GTF3C1: variants seen among roughly 807,000 people sequenced by gnomAD.
The protein encoded by GTF3C1 is general transcription factor IIIC subunit 1.
In GTF3C1, 57 loss-of-function variants were observed where a neutral mutation model predicts 226.7. The observed-to-expected ratio is 0.25, with a 90% CI of 0.20 to 0.31. The LOEUF (loss-of-function observed/expected upper bound fraction) is 0.31, where lower values mean the gene tolerates loss of function less well. GTF3C1 is among the 10% of genes least tolerant of loss of function. The pLI, the probability that GTF3C1 is intolerant of heterozygous loss-of-function variation, is 1.00. For synonymous variants in GTF3C1, 1,090 were observed against 1,084.8 expected (o/e 1.00, Z -0.09); for missense variants, 2,217 against 2,776.1 (o/e 0.80, Z 4.53).
In GTF3C1 at chr16:27,462,264, C is replaced by A; in HGVS notation, c.6117+30G>T. Reference sequence around the variant, plus strand: ...CACTGAGTGCACCCAGCCGCCTCCACACCCTGCTGAACCCAGGAAGGCCCC... The same window carrying A: ...CACTGAGTGCACCCAGCCGCCTCCAAACCCTGCTGAACCCAGGAAGGCCCC... On this transcript the variant is annotated intron_variant, in intron 36 of 36. Coordinates refer to ENST00000356183, the MANE Select transcript of GTF3C1 (RefSeq NM_001520.4). This position sits in a 1 kb window ranked among gnomAD's most constrained non-coding sequence, Gnocchi z 4.5. 1 of 1,519,344 alleles carries A rather than the reference C, an allele frequency of 6.6e-7. No individual in the cohort carries two copies. Among genetic ancestry groups the A allele is most frequent in the Non-Finnish European group, 8.9e-7 (1 of 1,125,940 alleles). The allele number at this position is 1,519,344 out of a possible 1,614,324, so 94.1% of individuals were successfully genotyped here.
intron 10 of GTF3C1, among the ~76,000 whole-genome samples, chr16:27,504,064 G>C (rs926928404): frequency 4.6e-5 from 7 of 152,222 alleles, no homozygotes; most frequent in African/African-American, 1.7e-4. Context: ...GAAAAGTTTG[G>C]GGGAAAACCA....
intron 6 of GTF3C1, among the ~76,000 whole-genome samples, chr16:27,514,390 G>A (rs1481089796): frequency 6.6e-6 from 1 of 152,142 alleles, no homozygotes; most frequent in African/African-American, 2.4e-5. Flanking sequence ...GAGACTTTCG[G>A]GACTGTGGAC....
Position 27,537,878 on chromosome 16 carries a change from C to T in GTF3C1, c.658G>A (p.Gly220Arg), listed in dbSNP as rs1183412024. ...HYHRKILNKN[G>R]LITMQSHVIR... is the part of the protein sequence containing the mutation. The stretch of plus-strand genomic sequence containing the variant: ...ACATGGGACTGCATTGTAATCAGCC[C>T]GTTTTTGTTCAAAATTTTTCTGTGA... Residue 220 changes from glycine (G) to arginine (R), a missense_variant, in exon 4 of 37, where the codon GGG becomes AGG. Gly to Arg is a moderately radical substitution (Grantham distance 125, BLOSUM62 -2). This residue lies in a region of GTF3C1 where 163 missense variants were observed against 234.3 expected (regional missense o/e 0.70). Coordinates refer to ENST00000356183, the MANE Select transcript of GTF3C1 (RefSeq NM_001520.4). The T allele has an allele frequency of 1.2e-6, 2 of 1,613,762 alleles. No individual in the cohort carries two copies. Among genetic ancestry groups the T allele is most frequent in the East Asian group, 2.2e-5 (1 of 44,884 alleles).
In GTF3C1 at chr16:27,463,598, G is replaced by A. The variant is rs527273762; in HGVS notation, c.5873-6C>T. 3.8e-6 allele frequency: 6 copies of A among 1,565,394 alleles called. No homozygotes were observed. The highest frequency in any genetic ancestry group is 2.7e-5 in the African/African-American group (2 of 74,236). ...TCCGAAACTCTCTGTGAACCCTGAGGGAAGAGGAAGAGAATGTGAGAGACT... is the reference window on the plus strand; with the variant it reads ...TCCGAAACTCTCTGTGAACCCTGAGAGAAGAGGAAGAGAATGTGAGAGACT... On this transcript the variant is annotated splice_polypyrimidine_tract_variant and splice_region_variant and intron_variant, in intron 34 of 36. Coordinates refer to ENST00000356183, the MANE Select transcript of GTF3C1 (RefSeq NM_001520.4). The surrounding 1 kb of genome is among the most constrained non-coding windows in gnomAD (Gnocchi z 4.9).
intron 6 of GTF3C1, 49 bp from the exon 7 acceptor site, chr16:27,511,950 CG>C (rs750349638): frequency 1.2e-6 from 2 of 1,602,634 alleles, no homozygotes; most frequent in African/African-American, 2.7e-5. Flanking sequence ...AGCAGTGCTG[CG>C]TGGGGGAGGT....
At position 27,489,581 on chromosome 16, in the gene GTF3C1, G is replaced by A. The variant is rs201669645; in HGVS notation, c.3293+21C>T. 39 of 1,588,206 alleles carry A rather than the reference G, an allele frequency of 2.5e-5. No homozygotes were observed. The South Asian group carries it at 2.5e-4, about 10-fold the overall frequency. On this transcript the variant is annotated intron_variant, in intron 20 of 36. Transcript: ENST00000356183. ...CACCGCAGCCCAGTCCTGGCCGGCC[G>A]CGCTTGGGACGGACACGCACGTGGT...
chr16:27,543,317 C>T (rs916880160), intron 2 of GTF3C1, among the ~76,000 whole-genome samples: 6 of 152,086 alleles, frequency 3.9e-5, no homozygotes, highest in East Asian at 1.9e-4. Context: ...ACCTGAGAGG[C>T]GGAGGTTGCA....
chr16:27,503,485 C>A (rs184178128), intron 10 of GTF3C1, among the ~76,000 whole-genome samples: 1 of 152,250 alleles, frequency 6.6e-6, no homozygotes, highest in African/African-American at 2.4e-5. Flanking sequence ...AGTGAACGTG[C>A]CAGGATGGGG....
intron 6 of GTF3C1, among the ~76,000 whole-genome samples, chr16:27,520,306 G>A (rs1433370790): frequency 1.3e-5 from 2 of 152,112 alleles, no homozygotes; most frequent in Admixed American, 6.5e-5. Flanking sequence ...GTAGAGATGG[G>A]GTTTCACCAT....
intron 26 of GTF3C1, among the ~76,000 whole-genome samples, chr16:27,481,506 C>T (rs142930167): frequency 6.6e-6 from 1 of 152,296 alleles, no homozygotes; most frequent in Non-Finnish European, 1.5e-5. Context: ...ACGTGCCCCA[C>T]ACAGTGCTCC....
At chr16:27,464,239 G>A (rs79957355) in intron 34 of GTF3C1, 81 bp downstream of exon 34, 3 of 842,450 alleles carry the variant, frequency 3.6e-6, no homozygotes, top group African/African-American at 1.8e-5. Flanking sequence ...ATCCTCGGAG[G>A]AAGGTGTGAG....
chr16:27,549,591 C>A, intron 1 of GTF3C1, 79 bp downstream of exon 1: 1 of 784,268 alleles, frequency 1.3e-6, no homozygotes, highest in Non-Finnish European at 2.0e-6. Context: ...CACTCCATTC[C>A]CCCGCCCTGC....
intron 27 of GTF3C1, among the ~76,000 whole-genome samples, chr16:27,479,452 TAACA>T (rs2088005819): frequency 6.6e-6 from 1 of 152,254 alleles, no homozygotes; most frequent in Admixed American, 6.5e-5. Flanking sequence ...CTTCGGTTTC[TAACA>T]AACTAACAGA....
intron 6 of GTF3C1, among the ~76,000 whole-genome samples, chr16:27,520,429 T>G (rs769344739): frequency 3.9e-5 from 6 of 151,936 alleles, no homozygotes; most frequent in Non-Finnish European, 7.4e-5. Context: ...TTGCCTGGAA[T>G]GTCATCTTGA....
Position 27,461,657 on chromosome 16 carries a change from G to A in GTF3C1, c.6118-95C>T. 1 of 931,156 alleles carries A rather than the reference G, an allele frequency of 1.1e-6. No homozygotes were observed. The highest frequency in any genetic ancestry group is 1.7e-6 in the Non-Finnish European group (1 of 599,254). The allele number at this position is 931,156 out of a possible 1,614,324, so 57.7% of individuals were successfully genotyped here. A position where few individuals can be genotyped will look rare whatever the true frequency, so the allele number is the denominator to read the frequency against. On this transcript the variant is annotated intron_variant, in intron 36 of 36. Coordinates refer to ENST00000356183, the MANE Select transcript of GTF3C1 (RefSeq NM_001520.4). The surrounding 1 kb of genome is among the most constrained non-coding windows in gnomAD (Gnocchi z 5.3). ...TTTATGGAATGCCCCCTCTGTACCA[G>A]GGAGCCACTTCCCAGAGCAGGGGGC... is the stretch of plus-strand genomic sequence containing the variant.
intron 2 of GTF3C1, among the ~76,000 whole-genome samples, chr16:27,542,613 T>G (rs918484391): frequency 6.7e-6 from 1 of 148,386 alleles, no homozygotes. Flanking sequence ...CATTGGGAGG[T>G]GAGGACTAGT....
rs771517545 is a variant in GTF3C1, at chr16:27,497,782, T to G, written c.2205A>C (p.Ala735=). The G allele has an allele frequency of 6.2e-7, 1 of 1,614,116 alleles. No homozygotes were observed. The highest frequency in any genetic ancestry group is 8.5e-7 in the Non-Finnish European group (1 of 1,179,946). Residue 735 remains alanine (A), a synonymous_variant, in exon 14 of 37, where the codon GCA becomes GCC. Coordinates refer to ENST00000356183, the MANE Select transcript of GTF3C1 (RefSeq NM_001520.4). ...TSQPPVPQGE[A]EEDSQGKEGP... is the part of the protein sequence containing the mutation. ...CCTCTTTTCCTTGACTGTCTTCTTC[T>G]GCCTCCCCTTGGGGCACTGGAGGCT...
chr16:27,535,637 A>G (rs2088989118), intron 4 of GTF3C1, among the ~76,000 whole-genome samples: 1 of 151,676 alleles, frequency 6.6e-6, no homozygotes, highest in South Asian at 2.1e-4. Flanking sequence ...GTTCCTCTCC[A>G]GTAAATTACT....
intron 6 of GTF3C1, among the ~76,000 whole-genome samples, chr16:27,521,011 G>A (rs539435182): frequency 6.6e-5 from 10 of 152,324 alleles, no homozygotes; most frequent in Admixed American, 1.3e-4. Flanking sequence ...AAGCCACAGC[G>A]CCCAGCCTCC....
Sources: gnomAD v4.1 joint callset for allele counts (sites outside exome capture counted in the v4.1 genomes callset) on GRCh38, gnomAD v4.1.1 for gene constraint, gnomAD v4.1.1 regional missense constraint, Gnocchi (gnomAD v3.1) non-coding constraint, MANE v1.5 for transcripts, NCBI Gene and HGNC (gene_info 2026-07-23, HGNC 2026-07-21) for gene names.